Variants in SPINK4 observed in about 807,000 individuals in gnomAD.
The protein encoded by SPINK4 is serine peptidase inhibitor Kazal type 4.
SPINK4 carries 10 observed loss-of-function variants against 12.3 expected under a neutral mutation model. The observed-to-expected ratio is 0.81, with a 90% CI of 0.50 to 1.37. The LOEUF is 1.37. Among genes scored for constraint, SPINK4 ranks in the 40% most tolerant of loss-of-function variants. The pLI is 0.00. For missense variants in SPINK4, 91 were observed against 109.0 expected, an observed-to-expected ratio of 0.84 and a Z score of 0.73; for synonymous variants, 37 against 40.2, an observed-to-expected ratio of 0.92 and a Z score of 0.30.
intron 1 of SPINK4, among the ~76,000 whole-genome samples, chr9:33,242,295 A>C (rs1035215453): frequency 1.3e-5 from 2 of 152,182 alleles, no homozygotes; most frequent in Non-Finnish European, 2.9e-5. Context: ...GGGACAGTAC[A>C]TGGTGGTGTG....
rs759945946 is a variant in SPINK4, at chr9:33,248,458, A to G, written c.248A>G (p.Asp83Gly). Reference protein sequence around the residue: ...KTKQDIQIMKDGKC With the variant: ...KTKQDIQIMKGGKC ...AAACAGGACATCCAGATCATGAAAG[A>G]TGGCAAATGCTGATCCCACAGGAGC... The change falls in exon 4 of 4, where the codon GAT (aspartate) becomes GGT (glycine). Residue 83 changes from aspartate (D) to glycine (G), a missense_variant. Coordinates refer to ENST00000379721, the MANE Select transcript of SPINK4 (RefSeq NM_014471.3). The G allele has an allele frequency of 2.5e-5, 40 of 1,613,998 alleles. No individual in the cohort carries two copies. The African/African-American group carries it at 2.9e-4, about 12-fold the overall frequency.
At chr9:33,241,887 AT>A (rs914571879) in intron 1 of SPINK4, among the ~76,000 whole-genome samples, 18 of 151,032 alleles carry the variant, frequency 1.2e-4, no homozygotes, top group African/African-American at 2.4e-4. Context: ...TTAAACAAAA[AT>A]TTTTTTTTCA....
chr9:33,247,166 T>C (rs559442392), intron 3 of SPINK4, among the ~76,000 whole-genome samples: 2 of 149,590 alleles, frequency 1.3e-5, no homozygotes, highest in African/African-American at 4.9e-5. Flanking sequence ...CAGAATTTTT[T>C]TTTTTTTTTT....
intron 2 of SPINK4, among the ~76,000 whole-genome samples, chr9:33,246,002 C>T (rs1361087996): frequency 6.6e-6 from 1 of 152,220 alleles, no homozygotes; most frequent in South Asian, 2.1e-4. Flanking sequence ...CTGTCTCAGG[C>T]ACTAATGCCA....
chr9:33,240,469 A>C (rs1243411338), intron 1 of SPINK4, among the ~76,000 whole-genome samples, 200 bp downstream of exon 1: 1 of 152,248 alleles, frequency 6.6e-6, no homozygotes. Flanking sequence ...TGACTGGCGC[A>C]GAATTACCAA....
chr9:33,246,103 C>T (rs1399155685), intron 2 of SPINK4, among the ~76,000 whole-genome samples: 1 of 152,180 alleles, frequency 6.6e-6, no homozygotes, highest in East Asian at 1.9e-4. Context: ...CCCATTTCTT[C>T]AGCCTTCGCA....
At position 33,242,153 on chromosome 9, in the gene SPINK4, C is replaced by T. The variant is rs143543463; in HGVS notation, c.61+1884C>T. 2.2e-3 allele frequency among the ~76,000 whole-genome samples: 332 copies of T among 152,302 alleles called. 1 individual carries two copies. Among genetic ancestry groups the T allele is most frequent in the Non-Finnish European group, 3.5e-3 (237 of 68,022 alleles). On this transcript the variant is annotated intron_variant, in intron 1 of 3. Coordinates refer to ENST00000379721, the MANE Select transcript of SPINK4 (RefSeq NM_014471.3). ...TCGGCTTCCCAAGGTGCTGGGATTA[C>T]ACCAATGCACTTTAGTATTCAATTC... is the stretch of plus-strand genomic sequence containing the variant.
At chr9:33,241,105 G>C (rs546706721) in intron 1 of SPINK4, among the ~76,000 whole-genome samples, 1 of 139,672 alleles carries the variant, frequency 7.2e-6, no homozygotes, top group Non-Finnish European at 1.5e-5. Flanking sequence ...GAGGGACTAA[G>C]CCATGTGGAT....
chr9:33,241,973 A>G (rs1466506977), intron 1 of SPINK4, among the ~76,000 whole-genome samples: 1 of 151,822 alleles, frequency 6.6e-6, no homozygotes, highest in Non-Finnish European at 1.5e-5. Context: ...TCTGCCTCCT[A>G]GGTTGAAGCA....
At chr9:33,245,309 T>A (rs1414580355) in intron 2 of SPINK4, among the ~76,000 whole-genome samples, 157 bp downstream of exon 2, 1 of 152,148 alleles carries the variant, frequency 6.6e-6, no homozygotes, top group Non-Finnish European at 1.5e-5. Flanking sequence ...ATTCCCCACA[T>A]TAGCCCCCAA....
chr9:33,248,353 C>T, intron 3 of SPINK4, 73 bp from the exon 4 acceptor site: 1 of 1,529,690 alleles, frequency 6.5e-7, no homozygotes, highest in South Asian at 1.1e-5. Context: ...TCTGGATGGA[C>T]TGTGCCAGGT....
intron 1 of SPINK4, among the ~76,000 whole-genome samples, chr9:33,241,350 G>A (rs148270566): frequency 2.1e-4 from 32 of 152,314 alleles, no homozygotes; most frequent in African/African-American, 7.0e-4. Context: ...TGAAAGCTTT[G>A]AGCAGAGAGT....
intron 3 of SPINK4, chr9:33,248,079 G>A (rs762636694): frequency 1.4e-4 from 36 of 265,180 alleles, no homozygotes; most frequent in Non-Finnish European, 2.1e-4. Flanking sequence ...AGTTCTGTGG[G>A]GGGCAGTGAT....
chr9:33,248,564 C>A lies in SPINK4; in HGVS notation c.*93C>A. On this transcript the variant is annotated 3_prime_UTR_variant, in exon 4 of 4. Transcript: ENST00000379721. ...ACATGAAATAAAAGATCCAGCCCAA[C>A]TGAGTGAAGTGGTCAGTGTCTCTGG... 1 of 1,465,156 alleles carries A rather than the reference C, an allele frequency of 6.8e-7. No individual in the cohort carries two copies. The highest frequency in any genetic ancestry group is 9.4e-7 in the Non-Finnish European group (1 of 1,059,774). 90.8% of individuals were successfully genotyped at this position (1,465,156 alleles called of 1,614,324 possible).
At chr9:33,247,995 A>G (rs775896336) in intron 3 of SPINK4, 2 of 179,950 alleles carry the variant, frequency 1.1e-5, no homozygotes, top group Non-Finnish European at 2.4e-5. Context: ...GAGGCAGCAT[A>G]CTGGTTTCTG....
chr9:33,242,106 C>T (rs1820241144), intron 1 of SPINK4, among the ~76,000 whole-genome samples: 1 of 152,152 alleles, frequency 6.6e-6, no homozygotes, highest in African/African-American at 2.4e-5. Flanking sequence ...TCTCGAACTT[C>T]CAACCCCAAG....
At chr9:33,244,971 TG>T in intron 1 of SPINK4, 140 bp from the exon 2 acceptor site, 1 of 712,800 alleles carries the variant, frequency 1.4e-6, no homozygotes, top group Non-Finnish European at 2.3e-6. Flanking sequence ...CCCCATTGTC[TG>T]GTGGCTCATC....
chr9:33,241,071 G>A (rs1020344670), intron 1 of SPINK4, among the ~76,000 whole-genome samples: 1 of 152,182 alleles, frequency 6.6e-6, no homozygotes, highest in Non-Finnish European at 1.5e-5. Flanking sequence ...AGAGTCCGAT[G>A]TTTGAGCAAA....
chr9:33,240,274 G>T lies in SPINK4; in HGVS notation c.61+5G>T, dbSNP rs747666164. ...CCCTCCTTGTTGTGGACAGGGGTGAGTGGGCAGAACCTGGATTCTCTGTGG... is the reference window on the plus strand; with the variant it reads ...CCCTCCTTGTTGTGGACAGGGGTGATTGGGCAGAACCTGGATTCTCTGTGG... On this transcript the variant is annotated splice_donor_5th_base_variant and intron_variant, in intron 1 of 3. Transcript: ENST00000379721. The T allele has an allele frequency of 1.9e-6, 3 of 1,598,756 alleles. No homozygotes were observed. Among genetic ancestry groups the T allele is most frequent in the Non-Finnish European group, 2.6e-6 (3 of 1,173,086 alleles).
Sources: gnomAD v4.1 joint callset for allele counts (sites outside exome capture counted in the v4.1 genomes callset) on GRCh38, gnomAD v4.1.1 for gene constraint, MANE v1.5 for transcripts, NCBI Gene and HGNC (gene_info 2026-07-23, HGNC 2026-07-21) for gene names.